The following PCDH7 variants were observed in gnomAD, a reference collection of about 807,000 sequenced individuals.
The protein encoded by PCDH7 is protocadherin-7.
PCDH7 carries 17 observed loss-of-function variants against 58.9 expected under a neutral mutation model. The ratio of observed to expected loss-of-function variants is 0.29; its 90% CI spans 0.20 to 0.43. The LOEUF is 0.43. Ranked by LOEUF, PCDH7 falls within the 20% of genes least tolerant of loss-of-function variation. The pLI is 1.00. For missense variants in PCDH7, 1,274 were observed against 1,441.0 expected, an observed-to-expected ratio of 0.88 and a Z score of 1.88; for synonymous variants, 664 against 616.4, an observed-to-expected ratio of 1.08 and a Z score of -1.14.
At chr4:31,085,885 C>T (rs1215053173) in intron 3 of PCDH7, among the ~76,000 whole-genome samples, 1 of 148,472 alleles carries the variant, frequency 6.7e-6, no homozygotes, top group Non-Finnish European at 1.5e-5. Flanking sequence ...TTCCTCTTCA[C>T]CAGGAAATCT....
At position 31,107,488 on chromosome 4, in the gene PCDH7, G is replaced by A. The variant is rs370722866; in HGVS notation, c.*8-34985G>A. On this transcript the variant is annotated intron_variant, in intron 3 of 3. Coordinates refer to the PCDH7 transcript ENST00000509759. ...AAGCAATCTCCTGCTTGCTTAGCTC[G>A]CACAGATGACAGAGGAAGGAAAATG... Among the ~76,000 whole-genome samples, 155 of 152,294 alleles carry A rather than the reference G, an allele frequency of 1.0e-3. 2 individuals are homozygous for A. In the South Asian group the frequency reaches 0.023, roughly 23 times the overall value.
At chr4:31,071,950 A>G (rs994961539) in intron 3 of PCDH7, among the ~76,000 whole-genome samples, 1 of 151,894 alleles carries the variant, frequency 6.6e-6, no homozygotes, top group African/African-American at 2.4e-5. Flanking sequence ...ATAAATAACT[A>G]CTCTTATACT....
At chr4:31,103,893 T>C (rs1250928447) in intron 3 of PCDH7, among the ~76,000 whole-genome samples, 1 of 152,212 alleles carries the variant, frequency 6.6e-6, no homozygotes, top group Non-Finnish European at 1.5e-5. Context: ...CAAACCTTAT[T>C]TCCCCCATTT....
intron 1 of PCDH7, among the ~76,000 whole-genome samples, chr4:30,726,114 AT>A (rs1714579850): frequency 6.6e-6 from 1 of 152,052 alleles, no homozygotes; most frequent in Non-Finnish European, 1.5e-5. Flanking sequence ...ATTGTGTTAC[AT>A]GGAGTGAGAA....
intron 3 of PCDH7, among the ~76,000 whole-genome samples, chr4:30,979,595 C>T (rs1750378950): frequency 6.6e-6 from 1 of 151,784 alleles, no homozygotes; most frequent in Admixed American, 6.6e-5. Context: ...CACTCTCAAA[C>T]ATCACTCTAC....
chr4:31,112,501 T>G (rs975502648), intron 3 of PCDH7, among the ~76,000 whole-genome samples: 1 of 152,208 alleles, frequency 6.6e-6, no homozygotes. Context: ...ACATCTTTCA[T>G]GAGGCAAAAC....
chr4:30,752,233 A>C (rs1718626409), intron 1 of PCDH7, among the ~76,000 whole-genome samples: 1 of 151,966 alleles, frequency 6.6e-6, no homozygotes, highest in Admixed American at 6.6e-5. Flanking sequence ...TGCGGGTTCA[A>C]GCGATTCTCC....
rs146560604 is a variant in PCDH7, at chr4:30,775,054, A to G, written c.70+50458A>G. On this transcript the variant is annotated intron_variant, in intron 1 of 3. Transcript: ENST00000509759. ...TATTTGTCTAAGTCTATTTCTGTCT[A>G]GTAAGGGAGTTGAAATTGATCATGT... Among the ~76,000 whole-genome samples the G allele has an allele frequency of 1.1e-3, 166 of 152,234 alleles. 1 individual carries two copies. The highest frequency in any genetic ancestry group is 3.9e-3 in the African/African-American group (163 of 41,542).
intron 1 of PCDH7, among the ~76,000 whole-genome samples, chr4:30,853,673 TCTGTCACAGCATGC>T (rs1462570397): frequency 6.6e-6 from 1 of 152,188 alleles, no homozygotes; most frequent in Non-Finnish European, 1.5e-5. Context: ...TATTTATTGC[TCTGTCACAGCATGC>T]CTAAGATTTT....
chr4:30,772,774 C>T (rs1721579896), intron 1 of PCDH7, among the ~76,000 whole-genome samples: 1 of 152,204 alleles, frequency 6.6e-6, no homozygotes. Context: ...TTACTTATGT[C>T]ATCCCATATA....
intron 3 of PCDH7, among the ~76,000 whole-genome samples, chr4:30,958,621 A>G (rs1481683502): frequency 2.0e-5 from 3 of 151,998 alleles, no homozygotes; most frequent in Non-Finnish European, 4.4e-5. Context: ...AAGTTTTAAT[A>G]ATATTTTAAC....
At chr4:30,738,280 G>T (rs1427985774) in intron 1 of PCDH7, among the ~76,000 whole-genome samples, 1 of 151,758 alleles carries the variant, frequency 6.6e-6, no homozygotes, top group Non-Finnish European at 1.5e-5. Context: ...TCATGAGCTT[G>T]TCTTTATTAC....
chr4:31,144,976 C>T (rs1376087373), downstream of PCDH7: 1 of 151,810 alleles, frequency 6.6e-6, no homozygotes, highest in East Asian at 1.9e-4. Flanking sequence ...TCTAAAGATA[C>T]TTATGAAATG....
intron 3 of PCDH7, among the ~76,000 whole-genome samples, chr4:30,962,885 T>C (rs1257518450): frequency 6.6e-6 from 1 of 152,062 alleles, no homozygotes; most frequent in African/African-American, 2.4e-5. Flanking sequence ...AGTACGTATC[T>C]TGATAACTGT....
intron 1 of PCDH7, among the ~76,000 whole-genome samples, chr4:30,899,340 T>C (rs144176533): frequency 2.0e-3 from 300 of 152,330 alleles, no homozygotes; most frequent in African/African-American, 6.2e-3. Context: ...CTTTTTTGAC[T>C]TCCCTGACAT....
chr4:30,818,904 C>G (rs1357115848), intron 1 of PCDH7, among the ~76,000 whole-genome samples: 1 of 152,130 alleles, frequency 6.6e-6, no homozygotes, highest in Non-Finnish European at 1.5e-5. Flanking sequence ...TTTATTTTCC[C>G]TACACTTATA....
At chr4:30,978,683 G>A (rs528542881) in intron 3 of PCDH7, among the ~76,000 whole-genome samples, 76 of 151,892 alleles carry the variant, frequency 5.0e-4, no homozygotes, top group Non-Finnish European at 9.1e-4. Context: ...CACCATTATC[G>A]GGCAATATTT....
chr4:31,041,187 G>A (rs914575639), intron 3 of PCDH7, among the ~76,000 whole-genome samples: 3 of 152,146 alleles, frequency 2.0e-5, no homozygotes, highest in Non-Finnish European at 4.4e-5. Flanking sequence ...ACGTCTTCCT[G>A]AAAGAAGGTG....
rs933820073 is a variant in PCDH7 at position 30,940,900 on chromosome 4, C to T, written c.288-9220C>T. 4.0e-5 allele frequency among the ~76,000 whole-genome samples: 6 copies of T among 151,682 alleles called. No individual in the cohort carries two copies. The East Asian group carries it at 5.8e-4, about 15-fold the overall frequency. On this transcript the variant is annotated intron_variant, in intron 2 of 3. Coordinates refer to the PCDH7 transcript ENST00000509759. ...CTCAAGAGTATACCATATTTTTTTTCGGCTTGAAATAAAACATTGAGAATA... is the reference window on the plus strand; with the variant it reads ...CTCAAGAGTATACCATATTTTTTTTTGGCTTGAAATAAAACATTGAGAATA...
Sources: gnomAD v4.1 joint callset for allele counts (sites outside exome capture counted in the v4.1 genomes callset) on GRCh38, gnomAD v4.1.1 for gene constraint, MANE v1.5 for transcripts, NCBI Gene and HGNC (gene_info 2026-07-23, HGNC 2026-07-21) for gene names.